THEMIS: variants seen among roughly 807,000 people sequenced by gnomAD.
THEMIS encodes the protein protein THEMIS.
THEMIS carries 37 observed loss-of-function variants against 52.6 expected under a neutral mutation model. That is an observed-to-expected ratio of 0.70 (90% confidence interval 0.54 to 0.93). The LOEUF (loss-of-function observed/expected upper bound fraction) is 0.93. THEMIS is among the 40% of genes least tolerant of loss of function. THEMIS has a pLI of 0.00. For missense variants in THEMIS, 808 were observed against 763.1 expected, an observed-to-expected ratio of 1.06 and a Z score of -0.69; for synonymous variants, 292 against 272.7, an observed-to-expected ratio of 1.07 and a Z score of -0.70.
chr6:127,873,700 A>C (rs964551940), intron 1 of THEMIS, among the ~76,000 whole-genome samples: 1 of 152,310 alleles, frequency 6.6e-6, no homozygotes, highest in South Asian at 2.1e-4. Context: ...CTTTCCCAAA[A>C]CTTAACTACT....
intron 4 of THEMIS, among the ~76,000 whole-genome samples, chr6:127,771,527 C>T (rs1304622780): frequency 2.0e-5 from 3 of 152,114 alleles, no homozygotes; most frequent in African/African-American, 4.8e-5. Context: ...TACAAGGCTA[C>T]AGTAACCAAA....
chr6:127,752,363 G>GT (rs34834022), intron 4 of THEMIS, among the ~76,000 whole-genome samples: 37,396 of 137,524 alleles, frequency 0.27, 5,765 homozygotes, highest in Non-Finnish European at 0.37. Context: ...GAAACGAAGA[G>GT]TTTTTTTTTT....
intron 1 of THEMIS, among the ~76,000 whole-genome samples, chr6:127,915,779 A>G (rs1562337959): frequency 6.6e-6 from 1 of 151,916 alleles, no homozygotes; most frequent in Non-Finnish European, 1.5e-5. Flanking sequence ...CAGAGGTCAG[A>G]AGTTCGAGAC....
At chr6:127,772,256 A>T (rs1417915868) in intron 4 of THEMIS, among the ~76,000 whole-genome samples, 1 of 152,090 alleles carries the variant, frequency 6.6e-6, no homozygotes, top group Admixed American at 6.5e-5. Flanking sequence ...AAAAGTACAC[A>T]TACAAGGCAC....
At chr6:127,883,911 G>T (rs1164838856) in intron 1 of THEMIS, among the ~76,000 whole-genome samples, 1 of 152,090 alleles carries the variant, frequency 6.6e-6, no homozygotes, top group East Asian at 1.9e-4. Flanking sequence ...AAATTGAGGA[G>T]CATCTGTGTT....
chr6:127,876,977 T>C (rs1335481183), intron 1 of THEMIS, among the ~76,000 whole-genome samples: 1 of 152,220 alleles, frequency 6.6e-6, no homozygotes, highest in Non-Finnish European at 1.5e-5. Context: ...CACAAATTTT[T>C]TGGTTTCTCA....
chr6:127,831,510 G>T (rs1179136395), intron 2 of THEMIS, among the ~76,000 whole-genome samples: 4 of 151,956 alleles, frequency 2.6e-5, no homozygotes, highest in Non-Finnish European at 5.9e-5. Context: ...TTATTATTTT[G>T]TCAACAAGTG....
At chr6:127,847,623 C>T (rs1284803101) in intron 2 of THEMIS, among the ~76,000 whole-genome samples, 1 of 151,908 alleles carries the variant, frequency 6.6e-6, no homozygotes, top group Non-Finnish European at 1.5e-5. Context: ...AACTAAAACA[C>T]ACTGCTGAAA....
At chr6:127,900,193 T>A (rs1781096432) in intron 1 of THEMIS, among the ~76,000 whole-genome samples, 1 of 151,892 alleles carries the variant, frequency 6.6e-6, no homozygotes. Context: ...GGTTATAATG[T>A]TCTTTCACCT....
chr6:127,740,031 C>T (rs931958091), intron 4 of THEMIS, among the ~76,000 whole-genome samples: 1 of 152,100 alleles, frequency 6.6e-6, no homozygotes, highest in Non-Finnish European at 1.5e-5. Context: ...GCTGTACCCA[C>T]GGGCATGTAA....
intron 4 of THEMIS, among the ~76,000 whole-genome samples, chr6:127,771,778 C>T (rs962703282): frequency 2.0e-5 from 3 of 152,080 alleles, no homozygotes; most frequent in African/African-American, 7.2e-5. Context: ...GAACTTTCCC[C>T]CATCCTTTTT....
intron 1 of THEMIS, among the ~76,000 whole-genome samples, chr6:127,856,169 T>C (rs1278631408): frequency 1.3e-5 from 2 of 152,018 alleles, no homozygotes; most frequent in African/African-American, 4.8e-5. Context: ...TTAGGTTTGC[T>C]TGTTTGTTTT....
chr6:127,901,515 G>A (rs895723848), upstream of THEMIS, among the ~76,000 whole-genome samples: 1 of 152,004 alleles, frequency 6.6e-6, no homozygotes, highest in African/African-American at 2.4e-5. Flanking sequence ...ACTATACTCT[G>A]GAGAGAGTAT....
At chr6:127,799,674 G>A (rs1264623018) in intron 4 of THEMIS, among the ~76,000 whole-genome samples, 1 of 150,776 alleles carries the variant, frequency 6.6e-6, no homozygotes, top group Non-Finnish European at 1.5e-5. Context: ...TCTACTTTCA[G>A]GCTTAAGGGA....
chr6:127,811,711 C>G (rs1196155010), intron 4 of THEMIS, among the ~76,000 whole-genome samples: 1 of 152,072 alleles, frequency 6.6e-6, no homozygotes, highest in Non-Finnish European at 1.5e-5. Flanking sequence ...CATTTCATTT[C>G]TCACTATTCA....
chr6:127,743,889 T>C (rs1166180995), intron 4 of THEMIS, among the ~76,000 whole-genome samples: 1 of 152,122 alleles, frequency 6.6e-6, no homozygotes, highest in African/African-American at 2.4e-5. Context: ...AAAGTGCGAC[T>C]CACTAATTTT....
At chr6:127,865,931 G>A (rs1198375969) in intron 1 of THEMIS, among the ~76,000 whole-genome samples, 2 of 151,944 alleles carry the variant, frequency 1.3e-5, no homozygotes, top group African/African-American at 4.8e-5. Context: ...TGAAAAAATT[G>A]TATCAGTCTC....
chr6:127,802,671 C>T (rs1376239261), intron 4 of THEMIS, among the ~76,000 whole-genome samples: 1 of 152,204 alleles, frequency 6.6e-6, no homozygotes, highest in Non-Finnish European at 1.5e-5. Context: ...CATGGCCCTT[C>T]AATCAATTTC....
In THEMIS at chr6:127,709,559, T is replaced by G. The variant is rs1161229168; in HGVS notation, c.*426A>C. ...TTCTGTAAGTTAGTCTTGTTAGGAA[T>G]GATGATAGCACTAAAAAATGGCAAA... On this transcript the variant is annotated 3_prime_UTR_variant, in exon 6 of 6. Transcript: ENST00000368248. The G allele has an allele frequency of 1.9e-5, 3 of 155,528 alleles. No individual in the cohort carries two copies. The highest frequency in any genetic ancestry group is 4.3e-5 in the Non-Finnish European group (3 of 70,480). 9.6% of individuals were successfully genotyped at this position (155,528 alleles called of 1,614,324 possible).
Sources: gnomAD v4.1 joint callset for allele counts (sites outside exome capture counted in the v4.1 genomes callset) on GRCh38, gnomAD v4.1.1 for gene constraint, MANE v1.5 for transcripts, NCBI Gene and HGNC (gene_info 2026-07-23, HGNC 2026-07-21) for gene names.